PARD3: variants seen among roughly 807,000 people sequenced by gnomAD.
The protein encoded by PARD3 is par-3 family cell polarity regulator.
In PARD3, 75 loss-of-function variants were observed where a neutral mutation model predicts 155.4. The ratio of observed to expected loss-of-function variants is 0.48; its 90% CI spans 0.40 to 0.58. The LOEUF is 0.58. PARD3 is among the 20% of genes least tolerant of loss of function. The pLI, the probability that PARD3 is intolerant of heterozygous loss-of-function variation, is 0.00. For synonymous variants in PARD3, 576 were observed against 610.5 expected (o/e 0.94, Z 0.83); for missense variants, 1,642 against 1,721.7 (o/e 0.95, Z 0.82).
chr10:34,631,507 C>G (rs1002936020), intron 2 of PARD3, among the ~76,000 whole-genome samples: 1 of 152,208 alleles, frequency 6.6e-6, no homozygotes, highest in African/African-American at 2.4e-5. Flanking sequence ...TACCTACTGC[C>G]TGCCCAGGTA....
chr10:34,562,548 T>C (rs1380882705), intron 2 of PARD3, among the ~76,000 whole-genome samples: 5 of 152,220 alleles, frequency 3.3e-5, no homozygotes, highest in Admixed American at 6.5e-5. Flanking sequence ...AGGCCCAATC[T>C]GCTTTTCCAT....
intron 2 of PARD3, among the ~76,000 whole-genome samples, chr10:34,687,886 A>C (rs2093978811): frequency 2.0e-5 from 2 of 99,558 alleles, no homozygotes; most frequent in Non-Finnish European, 1.8e-5. Context: ...ACAGGGTCTC[A>C]CTCTGTTGCC....
At chr10:34,120,074 T>C (rs1030171096) in intron 23 of PARD3, among the ~76,000 whole-genome samples, 8 of 141,444 alleles carry the variant, frequency 5.7e-5, no homozygotes, top group Non-Finnish European at 1.1e-4. Flanking sequence ...AGGAGTGCAG[T>C]AGTGCAATCA....
At chr10:34,655,687 G>C (rs1323871350) in intron 2 of PARD3, among the ~76,000 whole-genome samples, 1 of 152,162 alleles carries the variant, frequency 6.6e-6, no homozygotes, top group Non-Finnish European at 1.5e-5. Flanking sequence ...CCTTCCTCAA[G>C]AGCAGTAATA....
intron 1 of PARD3, among the ~76,000 whole-genome samples, chr10:34,713,531 G>A (rs879883983): frequency 5.3e-5 from 8 of 152,068 alleles, no homozygotes; most frequent in East Asian, 1.9e-4. Context: ...AGGCCAAGGC[G>A]GGAGGGTTGC....
intron 2 of PARD3, among the ~76,000 whole-genome samples, chr10:34,607,296 A>G (rs1233780907): frequency 6.6e-6 from 1 of 152,246 alleles, no homozygotes; most frequent in East Asian, 1.9e-4. Flanking sequence ...CCTCCAGGGT[A>G]CACACAAATA....
chr10:34,778,673 GTTCCT>G (rs1839889270), intron 1 of PARD3, among the ~76,000 whole-genome samples: 2 of 152,236 alleles, frequency 1.3e-5, no homozygotes, highest in South Asian at 4.1e-4. Flanking sequence ...GACCTCTTAG[GTTCCT>G]TTCAACTCTA....
At chr10:34,240,487 C>T (rs1953511032) in intron 22 of PARD3, among the ~76,000 whole-genome samples, 1 of 152,102 alleles carries the variant, frequency 6.6e-6, no homozygotes, top group African/African-American at 2.4e-5. Context: ...AGGGATCATT[C>T]TATTTTTGTA....
chr10:34,732,448 C>T (rs1383666134), intron 1 of PARD3, among the ~76,000 whole-genome samples: 1 of 152,138 alleles, frequency 6.6e-6, no homozygotes, highest in Non-Finnish European at 1.5e-5. Context: ...TATAATGGCA[C>T]TTTGGGAGGC....
At position 34,395,857 on chromosome 10, in the gene PARD3, A is replaced by G. The variant is rs972061070; in HGVS notation, c.890+3473T>C. 6.0e-5 allele frequency among the ~76,000 whole-genome samples: 9 copies of G among 150,150 alleles called. 4 individuals are homozygous for G. Among genetic ancestry groups the G allele is most frequent in the Non-Finnish European group, 1.2e-4 (8 of 67,332 alleles). On this transcript the variant is annotated intron_variant, in intron 7 of 24. Coordinates refer to ENST00000374788, the MANE Select transcript of PARD3 (RefSeq NM_001184785.2). ...AGACTCCGTCTCAAAAAAAAAAAAA[A>G]AAAAAAAAAAGAAAAACATCATCAT...
intron 2 of PARD3, among the ~76,000 whole-genome samples, chr10:34,662,989 T>C (rs1318332942): frequency 6.6e-6 from 1 of 151,990 alleles, no homozygotes; most frequent in African/African-American, 2.4e-5. Flanking sequence ...TTAAAACAAC[T>C]GAAATCATGG....
intron 2 of PARD3, among the ~76,000 whole-genome samples, chr10:34,680,336 A>T (rs1304507827): frequency 6.6e-6 from 1 of 152,114 alleles, no homozygotes; most frequent in African/African-American, 2.4e-5. Context: ...AGGCGGGCTG[A>T]TCACTTGAGG....
At chr10:34,474,506 T>C (rs117374615) in intron 3 of PARD3, among the ~76,000 whole-genome samples, 1 of 152,188 alleles carries the variant, frequency 6.6e-6, no homozygotes, top group African/African-American at 2.4e-5. Flanking sequence ...CACACACACA[T>C]ACACACGCGT....
chr10:34,417,607 T>C (rs558813846), intron 5 of PARD3, among the ~76,000 whole-genome samples: 1 of 152,226 alleles, frequency 6.6e-6, no homozygotes, highest in Non-Finnish European at 1.5e-5. Flanking sequence ...ATTGTTTGGG[T>C]TTATTTTGAA....
intron 1 of PARD3, among the ~76,000 whole-genome samples, chr10:34,753,891 G>A (rs1021489073): frequency 1.3e-5 from 2 of 152,054 alleles, no homozygotes; most frequent in African/African-American, 4.8e-5. Context: ...AAAACAAAAA[G>A]GAGCACACAG....
intron 14 of PARD3, among the ~76,000 whole-genome samples, chr10:34,352,720 C>G (rs1319274741): frequency 6.6e-6 from 1 of 152,234 alleles, no homozygotes; most frequent in African/African-American, 2.4e-5. Flanking sequence ...AGCCGCCTGC[C>G]TTGGCCTCCC....
Position 34,413,142 on chromosome 10 carries a change from T to TACACACACACAC in PARD3, c.715-11226_715-11225insGTGTGTGTGTGT, listed in dbSNP as rs1336586740. Reference sequence around the variant, plus strand: ...AACATTAGGCAGTACTTCAGATATATATACACACACACACACACACACACA... The same window carrying TACACACACACAC: ...AACATTAGGCAGTACTTCAGATATATACACACACACACATACACACACACACACACACACACA... On this transcript the variant is annotated intron_variant, in intron 5 of 24. Transcript: ENST00000374788. 2.8e-3 allele frequency among the ~76,000 whole-genome samples: 367 copies of TACACACACACAC among 132,526 alleles called. 2 individuals carry two copies. The highest frequency in any genetic ancestry group is 8.8e-3 in the African/African-American group (337 of 38,390). The allele number at this position is 132,526 out of a possible 152,430, so 86.9% of individuals were successfully genotyped here.
At chr10:34,296,951 C>T (rs1188764059) in intron 20 of PARD3, among the ~76,000 whole-genome samples, 1 of 152,162 alleles carries the variant, frequency 6.6e-6, no homozygotes, top group Admixed American at 6.5e-5. Flanking sequence ...AACCAACCAA[C>T]TGACCAACAA....
intron 1 of PARD3, among the ~76,000 whole-genome samples, chr10:34,764,121 T>C (rs888623086): frequency 6.6e-6 from 1 of 152,326 alleles, no homozygotes; most frequent in East Asian, 1.9e-4. Context: ...GTTGGGAAGA[T>C]GACCCAGGCA....
Sources: gnomAD v4.1 joint callset for allele counts (sites outside exome capture counted in the v4.1 genomes callset) on GRCh38, gnomAD v4.1.1 for gene constraint, MANE v1.5 for transcripts, NCBI Gene and HGNC (gene_info 2026-07-23, HGNC 2026-07-21) for gene names.